The following PDS5A variants were observed in gnomAD, a reference collection of about 807,000 sequenced individuals.
PDS5A encodes the protein PDS5 cohesin associated factor A.
Under a neutral mutation model 167.1 loss-of-function variants are expected in PDS5A, and 42 were observed. The ratio of observed to expected loss-of-function variants is 0.25; its 90% CI spans 0.20 to 0.33. PDS5A has a LOEUF of 0.33. Ranked by LOEUF, PDS5A falls within the 10% of genes least tolerant of loss-of-function variation. The pLI is 1.00. For synonymous variants in PDS5A, 553 were observed against 554.6 expected (o/e 1.00, Z 0.04); for missense variants, 1,033 against 1,605.9 (o/e 0.64, Z 6.10).
In PDS5A at chr4:39,916,321, T is replaced by TA. The variant is rs567399924; in HGVS notation, c.876+726dup. On this transcript the variant is annotated intron_variant, in intron 8 of 32. Transcript: ENST00000303538. ...TACGAATTACTTGCTCAGTTGTCTATAAAAAATAGATATACTATTTTTAGG... is the reference window on the plus strand; with the variant it reads ...TACGAATTACTTGCTCAGTTGTCTATAAAAAAATAGATATACTATTTTTAGG... Among the ~76,000 whole-genome samples, 9 of 152,186 alleles carry TA rather than the reference T, an allele frequency of 5.9e-5. No individual in the cohort carries two copies. The South Asian group carries it at 1.9e-3, about 32-fold the overall frequency.
At chr4:39,930,246 A>AAAAAAAAAAAAAAAAATT in intron 2 of PDS5A, among the ~76,000 whole-genome samples, 2 of 93,090 alleles carry the variant, frequency 2.1e-5, no homozygotes, top group Non-Finnish European at 4.5e-5. Context: ...AAAAAAAAAA[A>AAAAAAAAAAAAAAAAATT]GTTTTTTTGT....
At chr4:39,829,390 C>T (rs1358094058) in intron 32 of PDS5A, among the ~76,000 whole-genome samples, 1 of 152,162 alleles carries the variant, frequency 6.6e-6, no homozygotes, top group African/African-American at 2.4e-5. Context: ...GTGGCTCACA[C>T]CTGTAATCCC....
rs561948668 is a variant in PDS5A, at chr4:39,913,883, T to C, written c.877-157A>G. Among the ~76,000 whole-genome samples the C allele has an allele frequency of 4.6e-5, 7 of 152,340 alleles. No homozygotes were observed. The South Asian group carries it at 1.4e-3, about 32-fold the overall frequency. ...TCCTCACTTACTATGCAGAAATTGA[T>C]TTAATTTCATGTTAGATCATCTGGG... On this transcript the variant is annotated intron_variant, in intron 8 of 32. Transcript: ENST00000303538.
At chr4:39,938,924 C>A (rs1726942570) in intron 2 of PDS5A, among the ~76,000 whole-genome samples, 1 of 151,742 alleles carries the variant, frequency 6.6e-6, no homozygotes. Context: ...GAGCCAAGAT[C>A]ACACCACCGC....
chr4:39,880,358 T>C (rs1008043512), intron 17 of PDS5A, among the ~76,000 whole-genome samples: 2 of 152,158 alleles, frequency 1.3e-5, no homozygotes, highest in African/African-American at 4.8e-5. Context: ...ACAATTTAAT[T>C]GTCAAAAATT....
intron 8 of PDS5A, 120 bp from the exon 9 acceptor site, chr4:39,913,846 A>T (rs951531950): frequency 9.2e-6 from 6 of 651,058 alleles, no homozygotes; most frequent in Non-Finnish European, 1.7e-5. Context: ...GAGAAGTTTA[A>T]AATATCATAT....
intron 17 of PDS5A, among the ~76,000 whole-genome samples, chr4:39,880,869 A>G (rs575965648): frequency 6.6e-6 from 1 of 152,252 alleles, no homozygotes; most frequent in African/African-American, 2.4e-5. Flanking sequence ...CTACTGTGCT[A>G]TGGAACACTA....
chr4:39,973,010 T>C, intron 2 of PDS5A: 2 of 517,646 alleles, frequency 3.9e-6, no homozygotes, highest in South Asian at 4.3e-5. Context: ...CAAAGTTTCC[T>C]TTCCTTTTTA....
In PDS5A at chr4:39,910,338, T is replaced by C; in HGVS notation, c.993A>G (p.Arg331=). Residue 331 remains arginine (R), a splice_region_variant and synonymous_variant, in exon 10 of 33, where the codon CGA becomes CGG. Coordinates refer to ENST00000303538, the MANE Select transcript of PDS5A (RefSeq NM_001100399.2). The stretch of plus-strand genomic sequence containing the variant: ...TCACAGGAACATGAATATCATTAAA[T>C]CTACACAGAAAAAGATTGCTAAACA... ...NRPLWQCFLG[R]FNDIHVPVRL... 6.9e-7 allele frequency: 1 copy of C among 1,445,544 alleles called. No homozygotes were observed. The highest frequency in any genetic ancestry group is 9.7e-7 in the Non-Finnish European group (1 of 1,035,924). The allele number at this position is 1,445,544 out of a possible 1,614,324, so 89.5% of individuals were successfully genotyped here.
At chr4:39,966,856 G>T (rs568310125) in intron 2 of PDS5A, among the ~76,000 whole-genome samples, 1 of 150,904 alleles carries the variant, frequency 6.6e-6, no homozygotes, top group Non-Finnish European at 1.5e-5. Flanking sequence ...AAAATTAGCC[G>T]GGTGTAGTGG....
intron 2 of PDS5A, among the ~76,000 whole-genome samples, chr4:39,952,859 G>C (rs968658862): frequency 4.0e-5 from 6 of 151,602 alleles, no homozygotes; most frequent in African/African-American, 1.5e-4. Context: ...CTCCGAAGTA[G>C]CTTGGATTAC....
At chr4:39,923,347 GA>G (rs201112371) in intron 5 of PDS5A, among the ~76,000 whole-genome samples, 55 of 110,992 alleles carry the variant, frequency 5.0e-4, no homozygotes, top group African/African-American at 1.4e-3. Context: ...AAAAAAAAAA[GA>G]AAAAAAAAAG....
At chr4:39,931,034 G>A (rs1177613886) in intron 2 of PDS5A, among the ~76,000 whole-genome samples, 5 of 152,196 alleles carry the variant, frequency 3.3e-5, no homozygotes, top group Admixed American at 6.5e-5. Flanking sequence ...AGGGCTGGAT[G>A]TGATGGCTCA....
At chr4:39,838,704 C>T (rs1288706614) in intron 31 of PDS5A, among the ~76,000 whole-genome samples, 27 of 151,772 alleles carry the variant, frequency 1.8e-4, no homozygotes, top group Admixed American at 1.8e-3. Flanking sequence ...GCCTGGGTGA[C>T]AGAGGGAGAT....
At chr4:39,972,463 T>C (rs895302863) in intron 2 of PDS5A, among the ~76,000 whole-genome samples, 4 of 152,146 alleles carry the variant, frequency 2.6e-5, no homozygotes, top group Non-Finnish European at 2.9e-5. Flanking sequence ...GAGTTTGCAG[T>C]GAGCCAAGAT....
chr4:39,949,088 A>G (rs1041320066), intron 2 of PDS5A, among the ~76,000 whole-genome samples: 2 of 151,886 alleles, frequency 1.3e-5, no homozygotes, highest in African/African-American at 4.8e-5. Context: ...ACCTGAGCAC[A>G]GGATTTTGAG....
At chr4:39,905,078 C>T (rs1389036202) in intron 11 of PDS5A, among the ~76,000 whole-genome samples, 1 of 152,214 alleles carries the variant, frequency 6.6e-6, no homozygotes, top group East Asian at 1.9e-4. Context: ...GCAGGTGCAT[C>T]GCTTGAGCTC....
At chr4:39,943,123 TACACACACACACACACACACAC>T (rs35361618) in intron 2 of PDS5A, among the ~76,000 whole-genome samples, 85 of 144,912 alleles carry the variant, frequency 5.9e-4, no homozygotes, top group South Asian at 3.7e-3. Flanking sequence ...ACTATGCAAA[TACACACACACACACACACACAC>T]ACACACACAC....
At chr4:39,930,744 TAGTA>T (rs1461634437) in intron 2 of PDS5A, among the ~76,000 whole-genome samples, 3 of 152,164 alleles carry the variant, frequency 2.0e-5, no homozygotes, top group South Asian at 2.1e-4. Context: ...AAAAGTGTGA[TAGTA>T]AGACTGGTTT....
Sources: allele counts gnomAD v4.1 joint callset (sites outside exome capture counted in the v4.1 genomes callset), GRCh38; gene constraint gnomAD v4.1.1; transcripts MANE v1.5; gene names NCBI Gene and HGNC (gene_info 2026-07-23, HGNC 2026-07-21).